TRMT1: variants seen among roughly 807,000 people sequenced by gnomAD.
The protein encoded by TRMT1 is tRNA methyltransferase 1.
A neutral mutation model predicts 75.4 loss-of-function variants in TRMT1; 63 were observed. That is an observed-to-expected ratio of 0.84 (90% CI 0.68 to 1.03). TRMT1 has a LOEUF of 1.03. Ranked by LOEUF, TRMT1 falls within the 50% of genes least tolerant of loss-of-function variation. The pLI is 0.00. For synonymous variants in TRMT1, 382 were observed against 358.1 expected, an observed-to-expected ratio of 1.07 and a Z score of -0.75; for missense variants, 870 against 905.3, an observed-to-expected ratio of 0.96 and a Z score of 0.50.
chr19:13,107,490 G>A, intron 14 of TRMT1, 84 bp downstream of exon 14: 1 of 1,446,160 alleles, frequency 6.9e-7, no homozygotes, highest in South Asian at 1.2e-5. Flanking sequence ...AGTCTGTGTG[G>A]GGCAGCATCT....
In TRMT1 at chr19:13,116,396, G is replaced by T. The variant is rs1200038727; in HGVS notation, c.4C>A (p.Gln2Lys). M[Q>K]GSSLWLSLTF... ...AGGCTTAGCCACAGAGACGATCCTT[G>T]CATGAGACATCCGCTGGCGCCTCCG... is the stretch of plus-strand genomic sequence containing the variant. Residue 2 changes from glutamine to lysine, a missense_variant, in exon 2 of 17, where the codon CAA (glutamine) becomes AAA (lysine). Physicochemically the swap from Gln to Lys is moderately conservative, Grantham distance 53. Coordinates refer to ENST00000357720, the MANE Select transcript of TRMT1 (RefSeq NM_001136035.4). 6.3e-7 allele frequency: 1 copy of T among 1,592,270 alleles called. No homozygotes were observed. The highest frequency in any genetic ancestry group is 1.3e-5 in the African/African-American group (1 of 74,724).
Position 13,105,042 on chromosome 19 carries a change from T to C in TRMT1, c.1873A>G (p.Ser625Gly). The change falls in exon 17 of 17, where the codon AGC (serine) becomes GGC (glycine). Residue 625 changes from serine (S) to glycine (G), a missense_variant. Physicochemically the swap from Ser to Gly is moderately conservative, Grantham distance 56. Transcript: ENST00000357720. Reference protein sequence around the residue: ...QRGDQCCYSHSPPTPRVSADA... With the variant: ...QRGDQCCYSHGPPTPRVSADA... ...GCAGAAACCCTGGGTGTCGGGGGGC[T>C]GTGGGAGTAGCAGCACTGGTCCCCG... The C allele has an allele frequency of 6.2e-7, 1 of 1,608,038 alleles. No homozygotes were observed. Among genetic ancestry groups the C allele is most frequent in the Non-Finnish European group, 8.5e-7 (1 of 1,176,688 alleles).
At position 13,110,255 on chromosome 19, in the gene TRMT1, G is replaced by C. The variant is rs375601884; in HGVS notation, c.922C>G (p.Arg308Gly). The part of the protein sequence containing the change: ...SLDLRANCYQ[R>G]FVVPLLSISA... Reference sequence around the variant, plus strand: ...ATGCTGAGCAGCGGCACCACGAAGCGCTGGTAGCAGTTGGCGCGGAGGTCC... The same window carrying C: ...ATGCTGAGCAGCGGCACCACGAAGCCCTGGTAGCAGTTGGCGCGGAGGTCC... Residue 308 changes from arginine (R) to glycine (G), a missense_variant, in exon 8 of 17, where the codon CGC becomes GGC. By Grantham distance (125) the Arg-to-Gly change is moderately radical (BLOSUM62 -2). Coordinates refer to ENST00000357720, the MANE Select transcript of TRMT1 (RefSeq NM_001136035.4). The C allele has an allele frequency of 1.9e-6, 3 of 1,612,274 alleles. No homozygotes were observed. Among genetic ancestry groups the C allele is most frequent in the Non-Finnish European group, 1.7e-6 (2 of 1,179,550 alleles).
chr19:13,109,355 C>G (rs1344586864), intron 12 of TRMT1, 26 bp downstream of exon 12: 1 of 1,611,778 alleles, frequency 6.2e-7, no homozygotes, highest in Admixed American at 1.7e-5. Context: ...CTGGGACAGG[C>G]TCCTCCCGAC....
At chr19:13,107,443 T>A in intron 14 of TRMT1, 131 bp downstream of exon 14, 2 of 1,146,334 alleles carry the variant, frequency 1.7e-6, no homozygotes, top group Non-Finnish European at 2.5e-6. Flanking sequence ...CCAGCCCCAG[T>A]CAGCAGATTT....
At chr19:13,115,582 C>T in intron 4 of TRMT1, 44 bp downstream of exon 4, 1 of 1,611,410 alleles carries the variant, frequency 6.2e-7, no homozygotes, top group Non-Finnish European at 8.5e-7. Flanking sequence ...CCCTCTGTCT[C>T]CCGCTAAATT....
Position 13,112,783 on chromosome 19 carries a change from CA to C in TRMT1, c.791del (p.Val264GlyfsTer29). The C allele has an allele frequency of 6.2e-7, 1 of 1,614,146 alleles. No homozygotes were observed. The highest frequency in any genetic ancestry group is 1.1e-5 in the South Asian group (1 of 91,078). ...ACGTCTCCCCGCTGTTCCCCGCCAA[CA>C]CCGCCATGTCTGTGCAGGTCACACA... Reference protein sequence around the residue: ...LLCVTCTDMAVLAGNSGETCY... With the variant: ...LLCVTCTDMAXLAGNSGETCY... On this transcript the variant is annotated frameshift_variant, in exon 7 of 17. Coordinates refer to ENST00000357720, the MANE Select transcript of TRMT1 (RefSeq NM_001136035.4). LOFTEE classifies it high-confidence loss of function.
chr19:13,110,689 C>T (rs754972230), intron 7 of TRMT1, among the ~76,000 whole-genome samples: 6 of 152,172 alleles, frequency 3.9e-5, no homozygotes, highest in Non-Finnish European at 5.9e-5. Context: ...GGGCCTGGGC[C>T]GGGCGTGGTG....
intron 7 of TRMT1, among the ~76,000 whole-genome samples, chr19:13,112,421 A>T (rs1381115107): frequency 2.0e-5 from 3 of 152,116 alleles, no homozygotes; most frequent in Non-Finnish European, 2.9e-5. Flanking sequence ...TTAAAAAAAA[A>T]ATTTTTTTTT....
chr19:13,105,188 G>T, intron 16 of TRMT1, 79 bp downstream of exon 16: 1 of 1,560,254 alleles, frequency 6.4e-7, no homozygotes, highest in South Asian at 1.2e-5. Flanking sequence ...CCTGGCCCCA[G>T]CTCCCCCAAT....
At chr19:13,113,801 G>C (rs1428545224) in intron 5 of TRMT1, among the ~76,000 whole-genome samples, 1 of 151,366 alleles carries the variant, frequency 6.6e-6, no homozygotes, top group Non-Finnish European at 1.5e-5. Flanking sequence ...GTAGAGACGA[G>C]GTTTTACCAT....
In TRMT1 at chr19:13,115,748, CCTT is replaced by C. The variant is rs775491231; in HGVS notation, c.328_330del (p.Lys110del). The C allele has an allele frequency of 2.9e-5, 46 of 1,613,970 alleles. No homozygotes were observed. The African/African-American group carries it at 5.7e-4, about 20-fold the overall frequency. On this transcript the variant is annotated inframe_deletion, in exon 4 of 17. Coordinates refer to ENST00000357720, the MANE Select transcript of TRMT1 (RefSeq NM_001136035.4). Reference sequence around the variant, plus strand: ...AAGTCCACGACCACTTTTTGCGTGTCCTTCTCTCCTGGAACCTTGACTGCAGCC... The same window carrying C: ...AAGTCCACGACCACTTTTTGCGTGTCCTCTCCTGGAACCTTGACTGCAGCC...
In TRMT1 at chr19:13,105,003, C is replaced by T; in HGVS notation, c.1912G>A (p.Asp638Asn). The T allele has an allele frequency of 6.2e-7, 1 of 1,613,432 alleles. No homozygotes were observed. The highest frequency in any genetic ancestry group is 1.1e-5 in the South Asian group (1 of 91,048). The change falls in exon 17 of 17, where the codon GAC (aspartate) becomes AAC (asparagine). Residue 638 changes from aspartate (D) to asparagine (N), a missense_variant. Physicochemically the swap from Asp to Asn is conservative, Grantham distance 23. Coordinates refer to ENST00000357720, the MANE Select transcript of TRMT1 (RefSeq NM_001136035.4). ...GTCTGGTTGGAGGTCTCTGGACAGT[C>T]AGGGGCAGCATCAGCAGAAACCCTG... ...TPRVSADAAPDCPETSNQTPP... is the reference protein window; with the variant it reads ...TPRVSADAAPNCPETSNQTPP...
rs2019023580 is a variant in TRMT1 at position 13,109,287 on chromosome 19, C to G, written c.1397+94G>C. 5 of 1,427,254 alleles carry G rather than the reference C, an allele frequency of 3.5e-6. No individual in the cohort carries two copies. In the Admixed American group the frequency reaches 9.1e-5, roughly 26 times the overall value. 88.4% of individuals were successfully genotyped at this position (1,427,254 alleles called of 1,614,324 possible). On this transcript the variant is annotated intron_variant, in intron 12 of 16. Coordinates refer to ENST00000357720, the MANE Select transcript of TRMT1 (RefSeq NM_001136035.4). ...GAGACAGTGCACCGGGTTCTCCCCA[C>G]CCCCTCGCAAGTTCTATGCATGAGA...
At chr19:13,110,888 T>A (rs1201766762) in intron 7 of TRMT1, among the ~76,000 whole-genome samples, 2 of 152,082 alleles carry the variant, frequency 1.3e-5, no homozygotes, top group Non-Finnish European at 2.9e-5. Flanking sequence ...AGGCGAAGGT[T>A]GCAGTTAGCT....
rs2019295575 is a variant in TRMT1 at position 13,115,323 on chromosome 19, G to A, written c.597C>T (p.Leu199=). 1 of 1,613,978 alleles carries A rather than the reference G, an allele frequency of 6.2e-7. No individual in the cohort carries two copies. Among genetic ancestry groups the A allele is most frequent in the Non-Finnish European group, 8.5e-7 (1 of 1,179,994 alleles). The part of the protein sequence containing the change: ...AVDLIRRNVQ[L]NDVAHLVQPS... ...GCTGTACCAGGTGGGCCACGTCATT[G>A]AGCTGGACATTCCGGCGTATGAGAT... is the stretch of plus-strand genomic sequence containing the variant. Residue 199 remains leucine, a synonymous_variant, in exon 5 of 17, where the codon CTC becomes CTT. Transcript: ENST00000357720.
Position 13,109,423 on chromosome 19 carries a change from C to T in TRMT1, c.1355G>A (p.Ser452Asn). The change falls in exon 12 of 17, where the codon AGC becomes AAC. Residue 452 changes from serine (S) to asparagine (N), a missense_variant. Ser to Asn is a conservative substitution (Grantham distance 46, BLOSUM62 1). Transcript: ENST00000357720. The part of the protein sequence containing the change: ...VPLYYTLDQL[S>N]STIHCNTPSL... ...TGGTGTGTTGCAGTGGATGGTGCTG[C>T]TCAGCTGGTCCAGGGTGTAGTACAG... The T allele has an allele frequency of 6.2e-7, 1 of 1,613,424 alleles. No homozygotes were observed. Among genetic ancestry groups the T allele is most frequent in the Non-Finnish European group, 8.5e-7 (1 of 1,180,004 alleles).
chr19:13,111,958 C>T (rs1348570968), intron 7 of TRMT1, among the ~76,000 whole-genome samples: 1 of 151,822 alleles, frequency 6.6e-6, no homozygotes, highest in Admixed American at 6.6e-5. Context: ...CTCGACTTCC[C>T]AAAGTGCTGG....
chr19:13,107,661 A>G lies in TRMT1; in HGVS notation c.1507-11T>C. 2 of 1,600,382 alleles carry G rather than the reference A, an allele frequency of 1.2e-6. No homozygotes were observed. The highest frequency in any genetic ancestry group is 1.7e-6 in the Non-Finnish European group (2 of 1,172,072). On this transcript the variant is annotated splice_polypyrimidine_tract_variant and intron_variant, in intron 13 of 16. Transcript: ENST00000357720. The stretch of plus-strand genomic sequence containing the variant: ...CGGACATTCCTTCTCCTGGGGGCAG[A>G]GGTCAGAGGTTAGGGAATACTAGGC...
Sources: allele counts gnomAD v4.1 joint callset (sites outside exome capture counted in the v4.1 genomes callset), GRCh38; gene constraint gnomAD v4.1.1; transcripts MANE v1.5; gene names NCBI Gene and HGNC (gene_info 2026-07-23, HGNC 2026-07-21).